ASIC2: variants seen among roughly 807,000 people sequenced by gnomAD.
ASIC2 encodes acid sensing ion channel subunit 2.
In ASIC2, 25 loss-of-function variants were observed where a neutral mutation model predicts 57.3. That is an observed-to-expected ratio of 0.44 (90% CI 0.32 to 0.61). The LOEUF (loss-of-function observed/expected upper bound fraction) is 0.61, where lower values mean the gene tolerates loss of function less well. Among genes scored for constraint, ASIC2 ranks in the 20% least tolerant of loss-of-function variants. The pLI is 0.06. For synonymous variants in ASIC2, 319 were observed against 307.5 expected, an observed-to-expected ratio of 1.04 and a Z score of -0.39; for missense variants, 641 against 738.1, an observed-to-expected ratio of 0.87 and a Z score of 1.52.
chr17:33,271,887 C>T (rs1904506769), intron 1 of ASIC2, among the ~76,000 whole-genome samples: 1 of 152,236 alleles, frequency 6.6e-6, no homozygotes, highest in African/African-American at 2.4e-5. Context: ...AAGTTCAGCC[C>T]AGCCTACAAG....
rs1360725815 is a variant in ASIC2 at position 34,061,259 on chromosome 17, A to G, written c.555+94719T>C. Among the ~76,000 whole-genome samples, 5 of 152,210 alleles carry G rather than the reference A, an allele frequency of 3.3e-5. No homozygotes were observed. In the East Asian group the frequency reaches 7.7e-4, roughly 23 times the overall value. ...TACCCAGTGAAACTAAGCATCATAT[A>G]TGAAGGAAAGATACAGTAATTTTCA... On this transcript the variant is annotated intron_variant, in intron 1 of 9. Coordinates refer to the ASIC2 transcript ENST00000359872.
At position 33,786,123 on chromosome 17, in the gene ASIC2, C is replaced by G. The variant is rs75328770; in HGVS notation, c.555+369855G>C. On this transcript the variant is annotated intron_variant, in intron 1 of 9. Transcript: ENST00000359872. ...TTCAGCTTTCTCATCTGTGCCCCCC[C>G]CTTGATCATGTTGGCATAAACCAGG... Among the ~76,000 whole-genome samples, 862 of 152,268 alleles carry G rather than the reference C, an allele frequency of 5.7e-3. 4 individuals are homozygous for G. The highest frequency in any genetic ancestry group is 0.023 in the South Asian group (109 of 4,816).
intron 1 of ASIC2, among the ~76,000 whole-genome samples, chr17:33,843,959 A>G (rs1913509066): frequency 6.6e-6 from 1 of 152,210 alleles, no homozygotes; most frequent in African/African-American, 2.4e-5. Flanking sequence ...TCTTAACTGA[A>G]CACGAGGCTG....
At chr17:33,950,689 C>A (rs1169319247) in intron 1 of ASIC2, among the ~76,000 whole-genome samples, 1 of 152,192 alleles carries the variant, frequency 6.6e-6, no homozygotes, top group Non-Finnish European at 1.5e-5. Flanking sequence ...CCAATGACAG[C>A]CACCTGAAAG....
chr17:33,316,588 A>G (rs1039265363), intron 1 of ASIC2, among the ~76,000 whole-genome samples: 1 of 152,170 alleles, frequency 6.6e-6, no homozygotes, highest in African/African-American at 2.4e-5. Flanking sequence ...ACGCCTGGCC[A>G]TCTTCATGTT....
At chr17:34,059,152 C>T (rs1165859898) in intron 1 of ASIC2, among the ~76,000 whole-genome samples, 1 of 152,218 alleles carries the variant, frequency 6.6e-6, no homozygotes, top group South Asian at 2.1e-4. Context: ...TCCTGCAGGA[C>T]CTGGGAGACA....
At chr17:33,590,289 C>A (rs892638743) in intron 1 of ASIC2, among the ~76,000 whole-genome samples, 11 of 152,126 alleles carry the variant, frequency 7.2e-5, no homozygotes, top group Non-Finnish European at 1.6e-4. Flanking sequence ...TGCTTTATAC[C>A]TTTTAAGGCA....
chr17:33,018,620 C>T (rs563599037), intron 7 of ASIC2, among the ~76,000 whole-genome samples: 2 of 152,176 alleles, frequency 1.3e-5, no homozygotes, highest in Admixed American at 6.5e-5. Flanking sequence ...GTGGCAGAGC[C>T]GAGGGCTCTG....
chr17:33,333,815 A>G (rs1321989043), intron 1 of ASIC2, among the ~76,000 whole-genome samples: 1 of 152,202 alleles, frequency 6.6e-6, no homozygotes, highest in Non-Finnish European at 1.5e-5. Context: ...TTATGGGTAT[A>G]AAGGCTCCTG....
chr17:33,359,027 C>A (rs945182796), intron 1 of ASIC2, among the ~76,000 whole-genome samples: 2 of 152,176 alleles, frequency 1.3e-5, no homozygotes, highest in African/African-American at 2.4e-5. Flanking sequence ...CTTTGCCCCC[C>A]CTTTCTCTTC....
At chr17:33,482,571 G>A (rs1373647288) in intron 1 of ASIC2, among the ~76,000 whole-genome samples, 1 of 152,200 alleles carries the variant, frequency 6.6e-6, no homozygotes, top group Non-Finnish European at 1.5e-5. Context: ...TCTCTCAGCA[G>A]CCCTGGGAGA....
At chr17:33,408,961 C>T (rs576578297) in intron 1 of ASIC2, among the ~76,000 whole-genome samples, 1 of 152,332 alleles carries the variant, frequency 6.6e-6, no homozygotes, top group South Asian at 2.1e-4. Context: ...TGCCTGTAAT[C>T]CCAGACCCTT....
chr17:33,770,723 G>A (rs1228364304), intron 1 of ASIC2, among the ~76,000 whole-genome samples: 3 of 152,106 alleles, frequency 2.0e-5, no homozygotes, highest in Non-Finnish European at 4.4e-5. Flanking sequence ...CAGCTTTATC[G>A]CTCTCCTTGG....
intron 1 of ASIC2, among the ~76,000 whole-genome samples, chr17:33,870,376 A>G (rs992477307): frequency 2.0e-4 from 29 of 147,792 alleles, no homozygotes; most frequent in Non-Finnish European, 4.5e-5. Flanking sequence ...AAGTGCTTAG[A>G]CAAAAATAAT....
At chr17:33,239,652 G>A (rs774651586) in intron 1 of ASIC2, among the ~76,000 whole-genome samples, 1 of 152,204 alleles carries the variant, frequency 6.6e-6, no homozygotes, top group Admixed American at 6.5e-5. Context: ...GGTGCTCAGT[G>A]AGTGTTATTA....
intron 1 of ASIC2, among the ~76,000 whole-genome samples, chr17:33,626,419 G>A (rs1302428752): frequency 6.6e-6 from 1 of 152,024 alleles, no homozygotes; most frequent in Non-Finnish European, 1.5e-5. Context: ...TTAAACATTA[G>A]TTTTGCCTTT....
chr17:34,095,630 ATT>A, intron 1 of ASIC2, among the ~76,000 whole-genome samples: 1 of 77,456 alleles, frequency 1.3e-5, no homozygotes, highest in African/African-American at 5.8e-5. Flanking sequence ...TATATATATA[ATT>A]TTATATATAT....
intron 1 of ASIC2, among the ~76,000 whole-genome samples, chr17:33,822,542 G>T (rs1247018461): frequency 1.3e-5 from 2 of 152,180 alleles, no homozygotes; most frequent in Admixed American, 1.3e-4. Context: ...TTCTTAGTCA[G>T]TGATGGCAGT....
chr17:33,770,538 A>G (rs2637360), intron 1 of ASIC2, among the ~76,000 whole-genome samples: 116,844 of 152,072 alleles, frequency 0.77, 45,520 homozygotes, highest in Non-Finnish European at 0.81. Flanking sequence ...CTCTATGCCA[A>G]CTCTTACCAC....
Sources: gnomAD v4.1 joint callset for allele counts (sites outside exome capture counted in the v4.1 genomes callset) on GRCh38, gnomAD v4.1.1 for gene constraint, MANE v1.5 for transcripts, NCBI Gene and HGNC (gene_info 2026-07-23, HGNC 2026-07-21) for gene names.